Variants in MCUB observed in about 807,000 individuals in gnomAD.
MCUB encodes the protein mitochondrial calcium uniporter dominant negative subunit beta.
A neutral mutation model predicts 41.4 loss-of-function variants in MCUB; 46 were observed. That is an observed-to-expected ratio of 1.11 (90% CI 0.88 to 1.42). The LOEUF (loss-of-function observed/expected upper bound fraction) is 1.42, where lower values mean the gene tolerates loss of function less well. Ranked by LOEUF, MCUB falls within the 40% of genes most tolerant of loss-of-function variation. The pLI is 0.00. For missense variants in MCUB, 403 were observed against 404.9 expected (o/e 1.00, Z 0.04); for synonymous variants, 148 against 148.2 (o/e 1.00, Z 0.01).
intron 1 of MCUB, among the ~76,000 whole-genome samples, chr4:109,597,678 C>T (rs547342238): frequency 1.8e-4 from 22 of 121,980 alleles, no homozygotes; most frequent in East Asian, 1.0e-3. Flanking sequence ...GCTGGCCGGG[C>T]GGGGGGCTGA....
chr4:109,618,105 C>G (rs1728169724), intron 1 of MCUB, among the ~76,000 whole-genome samples: 1 of 152,158 alleles, frequency 6.6e-6, no homozygotes. Flanking sequence ...CCAAGCTATA[C>G]CCAGTCTTTC....
chr4:109,678,731 C>A (rs1254501686), intron 4 of MCUB, among the ~76,000 whole-genome samples: 1 of 146,566 alleles, frequency 6.8e-6, no homozygotes, highest in East Asian at 2.1e-4. Context: ...AGAGGCGCTC[C>A]CCACATCCCA....
chr4:109,681,772 T>C (rs147992056), intron 4 of MCUB, among the ~76,000 whole-genome samples: 4 of 152,188 alleles, frequency 2.6e-5, no homozygotes, highest in African/African-American at 9.7e-5. Context: ...TCCGGAAGAA[T>C]GTAAGTCAGC....
intron 1 of MCUB, among the ~76,000 whole-genome samples, chr4:109,598,488 C>T (rs999571789): frequency 1.3e-5 from 2 of 151,822 alleles, no homozygotes; most frequent in South Asian, 2.1e-4. Context: ...CGCAGGCACT[C>T]GGCAGGCTGA....
chr4:109,671,447 G>C (rs1414474738), intron 4 of MCUB, among the ~76,000 whole-genome samples: 1 of 152,060 alleles, frequency 6.6e-6, no homozygotes, highest in Non-Finnish European at 1.5e-5. Context: ...TTCAGTTTGA[G>C]AAAGTTTCTG....
intron 4 of MCUB, among the ~76,000 whole-genome samples, chr4:109,678,896 CG>C (rs1561251300): frequency 7.4e-6 from 1 of 136,048 alleles, no homozygotes; most frequent in East Asian, 2.4e-4. Context: ...ACTTCCCAGA[CG>C]GGGTGGCGGC....
At chr4:109,618,917 C>A (rs1728185425) in intron 1 of MCUB, among the ~76,000 whole-genome samples, 1 of 150,762 alleles carries the variant, frequency 6.6e-6, no homozygotes, top group South Asian at 2.1e-4. Flanking sequence ...ACCAGAAATC[C>A]CAGTTGGTTT....
At chr4:109,676,192 C>G (rs1474224184) in intron 4 of MCUB, among the ~76,000 whole-genome samples, 2 of 152,038 alleles carry the variant, frequency 1.3e-5, no homozygotes, top group African/African-American at 4.8e-5. Flanking sequence ...TGTAGGAAGT[C>G]TAAAAGTTTT....
chr4:109,653,354 G>T (rs1729004982), intron 1 of MCUB, among the ~76,000 whole-genome samples: 2 of 151,746 alleles, frequency 1.3e-5, no homozygotes, highest in Admixed American at 1.3e-4. Flanking sequence ...ACTCCAGCCT[G>T]GGGGACAGAG....
At chr4:109,572,846 CA>C (rs1726946089) in intron 1 of MCUB, among the ~76,000 whole-genome samples, 1 of 152,066 alleles carries the variant, frequency 6.6e-6, no homozygotes, top group East Asian at 1.9e-4. Flanking sequence ...GCTAGATTGC[CA>C]TAGCTACATT....
intron 4 of MCUB, among the ~76,000 whole-genome samples, chr4:109,675,125 T>C (rs1243109248): frequency 6.6e-6 from 1 of 152,240 alleles, no homozygotes; most frequent in East Asian, 1.9e-4. Context: ...AGAATAATTC[T>C]CTCTCATTTT....
chr4:109,677,464 G>C (rs1729598730), intron 4 of MCUB, among the ~76,000 whole-genome samples: 1 of 152,174 alleles, frequency 6.6e-6, no homozygotes, highest in African/African-American at 2.4e-5. Flanking sequence ...GAATTTGAGG[G>C]GCCGGGGCAG....
chr4:109,668,302 CAT>C (rs1401574107), intron 4 of MCUB, among the ~76,000 whole-genome samples: 1 of 151,972 alleles, frequency 6.6e-6, no homozygotes, highest in African/African-American at 2.4e-5. Context: ...TGTTTTGCCT[CAT>C]GTAGTTTGAT....
chr4:109,603,293 C>G (rs948711384), intron 1 of MCUB, among the ~76,000 whole-genome samples: 2 of 152,198 alleles, frequency 1.3e-5, no homozygotes, highest in Non-Finnish European at 2.9e-5. Flanking sequence ...GATGGGGTTT[C>G]GCTGTGTTGG....
In MCUB at chr4:109,563,956, T is replaced by C. The variant is rs75473578; in HGVS notation, c.99+3520T>C. On this transcript the variant is annotated intron_variant, in intron 1 of 7. Coordinates refer to ENST00000394650, the MANE Select transcript of MCUB (RefSeq NM_017918.5). ...CTAATAATCTACTCAATCTAGTAAA[T>C]ATCATAAGATCCTCAGGAAGAACTC... Among the ~76,000 whole-genome samples, 671 of 152,196 alleles carry C rather than the reference T, an allele frequency of 4.4e-3. 9 individuals carry two copies. The highest frequency in any genetic ancestry group is 0.015 in the African/African-American group (631 of 41,526).
chr4:109,613,216 C>G (rs1728056931), intron 1 of MCUB, among the ~76,000 whole-genome samples: 3 of 152,020 alleles, frequency 2.0e-5, no homozygotes. Flanking sequence ...AGTAGAGGGA[C>G]AAATAGTAAC....
intron 1 of MCUB, among the ~76,000 whole-genome samples, chr4:109,643,333 C>T (rs1728763577): frequency 6.7e-6 from 1 of 150,078 alleles, no homozygotes; most frequent in African/African-American, 2.5e-5. Context: ...TACAGGTGTG[C>T]ACTACCACAC....
intron 1 of MCUB, among the ~76,000 whole-genome samples, chr4:109,625,015 C>T: frequency 6.6e-6 from 1 of 152,102 alleles, no homozygotes; most frequent in Non-Finnish European, 1.5e-5. Context: ...TGGAGCATGC[C>T]TGTAGTCTCA....
In MCUB at chr4:109,623,776, G is replaced by A. The variant is rs79512948; in HGVS notation, c.100-35235G>A. 4.4e-4 allele frequency among the ~76,000 whole-genome samples: 67 copies of A among 152,206 alleles called. No individual in the cohort carries two copies. The East Asian group carries it at 8.9e-3, about 20-fold the overall frequency. On this transcript the variant is annotated intron_variant, in intron 1 of 7. Coordinates refer to ENST00000394650, the MANE Select transcript of MCUB (RefSeq NM_017918.5). ...ACCCTGGAGGACCTCAGCATTGTTCGAAGACTGGCTTTTGAACTGTTTTCT... is the reference window on the plus strand; with the variant it reads ...ACCCTGGAGGACCTCAGCATTGTTCAAAGACTGGCTTTTGAACTGTTTTCT...
Sources: gnomAD v4.1 joint callset for allele counts (sites outside exome capture counted in the v4.1 genomes callset) on GRCh38, gnomAD v4.1.1 for gene constraint, MANE v1.5 for transcripts, NCBI Gene and HGNC (gene_info 2026-07-23, HGNC 2026-07-21) for gene names.